The following PPL variants were observed in gnomAD, a reference collection of about 807,000 sequenced individuals.
PPL encodes 190 kDa paraneoplastic pemphigus antigen.
In PPL, 198 loss-of-function variants were observed where a neutral mutation model predicts 194.4. That is an observed-to-expected ratio of 1.02 (90% CI 0.91 to 1.15). The LOEUF is 1.15. Ranked by LOEUF, PPL falls within the 50% of genes most tolerant of loss-of-function variation. The pLI, the probability that PPL is intolerant of heterozygous loss-of-function variation, is 0.00. For missense variants in PPL, 2,885 were observed against 2,294.8 expected (o/e 1.26, Z -5.25); for synonymous variants, 1,220 against 972.4 (o/e 1.25, Z -4.74).
chr16:4,899,164 G>A (rs772356324), intron 7 of PPL, 44 bp from the exon 8 acceptor site: 98 of 1,613,432 alleles, frequency 6.1e-5, no homozygotes, highest in South Asian at 4.9e-4. Flanking sequence ...CCAGCCTGGC[G>A]GTCCCGTGCT....
chr16:4,928,615 C>G (rs146680114), intron 1 of PPL, among the ~76,000 whole-genome samples: 1 of 152,216 alleles, frequency 6.6e-6, no homozygotes, highest in Non-Finnish European at 1.5e-5. Flanking sequence ...TCTCTGCCTT[C>G]GCCATGGCGA....
In PPL at chr16:4,885,193, C is replaced by G; in HGVS notation, c.3462G>C (p.Leu1154=). ...CCTCCAAGGCCCATATCTTTCGGAG[C>G]AGCTCCGTCTTCTCCCTCTGGCTAG... is the stretch of plus-strand genomic sequence containing the variant. ...ARASQREKTE[L]LRKIWALEEE... Residue 1154 remains leucine (L), a synonymous_variant, in exon 22 of 22, where the codon CTG becomes CTC. Coordinates refer to ENST00000345988, the MANE Select transcript of PPL (RefSeq NM_002705.5). This position sits in a 1 kb window ranked among gnomAD's most constrained non-coding sequence, Gnocchi z 6.3. 1 of 1,614,150 alleles carries G rather than the reference C, an allele frequency of 6.2e-7. No homozygotes were observed. The highest frequency in any genetic ancestry group is 8.5e-7 in the Non-Finnish European group (1 of 1,180,036).
chr16:4,929,420 C>G (rs185328080), intron 1 of PPL, among the ~76,000 whole-genome samples: 2 of 152,046 alleles, frequency 1.3e-5, no homozygotes, highest in East Asian at 1.9e-4. Flanking sequence ...CTGTGCCCCC[C>G]GCCAGCTGTG....
intron 4 of PPL, among the ~76,000 whole-genome samples, chr16:4,901,941 AAAAT>A (rs61188714): frequency 0.026 from 2,110 of 81,874 alleles, 32 homozygotes; most frequent in African/African-American, 0.043. Flanking sequence ...CCTTGTCTCA[AAAAT>A]AAATAAATAA....
chr16:4,935,952 C>G (rs572117441), intron 1 of PPL, among the ~76,000 whole-genome samples: 3 of 152,180 alleles, frequency 2.0e-5, no homozygotes, highest in African/African-American at 7.2e-5. Context: ...GTCCGAGAAG[C>G]TGGCAAAATG....
At chr16:4,900,760 TG>T in intron 6 of PPL, 69 bp downstream of exon 6, 1 of 1,600,112 alleles carries the variant, frequency 6.2e-7, no homozygotes, top group African/African-American at 1.3e-5. Context: ...AATACATCCT[TG>T]TCCCCCCGAC....
intron 2 of PPL, among the ~76,000 whole-genome samples, chr16:4,909,565 T>G (rs2088778055): frequency 6.6e-6 from 1 of 151,978 alleles, no homozygotes. Context: ...TAGCTGGGAT[T>G]ATAGGTGTGC....
At chr16:4,890,110 C>T (rs1465187925) in intron 18 of PPL, 74 bp downstream of exon 18, 5 of 1,608,592 alleles carry the variant, frequency 3.1e-6, no homozygotes, top group Non-Finnish European at 4.2e-6. Context: ...GCTTGGCTCC[C>T]CAGAAAGGGG....
intron 1 of PPL, among the ~76,000 whole-genome samples, chr16:4,919,070 C>A (rs1188327903): frequency 2.6e-5 from 4 of 152,210 alleles, no homozygotes; most frequent in Non-Finnish European, 4.4e-5. Flanking sequence ...TCCCCCCTCC[C>A]CACACACACA....
intron 1 of PPL, among the ~76,000 whole-genome samples, chr16:4,915,432 G>A (rs2088899112): frequency 6.6e-6 from 1 of 152,242 alleles, no homozygotes; most frequent in Non-Finnish European, 1.5e-5. Context: ...ACTTGCTGTG[G>A]GCTTTGCCAG....
rs767313706 is a variant in PPL at position 4,893,315 on chromosome 16, G to C, written c.1548C>G (p.Ser516Arg). The change falls in exon 14 of 22, where the codon AGC becomes AGG. Residue 516 changes from serine (S) to arginine (R), a missense_variant. Coordinates refer to ENST00000345988, the MANE Select transcript of PPL (RefSeq NM_002705.5). ...TGGCCTTCTCCTGCCGGTCCAGGTC[G>C]CTGGCCACCTTGTCCAAGCCAGCCA... ...QLLAGLDKVA[S>R]DLDRQEKAIT... 1 of 1,607,806 alleles carries C rather than the reference G, an allele frequency of 6.2e-7. No individual in the cohort carries two copies. Among genetic ancestry groups the C allele is most frequent in the East Asian group, 2.2e-5 (1 of 44,862 alleles).
rs769772452 is a variant in PPL, at chr16:4,884,050, G to A, written c.4605C>T (p.Val1535=). 2.9e-5 allele frequency: 46 copies of A among 1,613,280 alleles called. No homozygotes were observed. The highest frequency in any genetic ancestry group is 1.2e-4 in the South Asian group (11 of 91,078). Residue 1535 remains valine (V), a synonymous_variant, in exon 22 of 22, where the codon GTC becomes GTT. Coordinates refer to ENST00000345988, the MANE Select transcript of PPL (RefSeq NM_002705.5). The surrounding 1 kb of genome is among the most constrained non-coding windows in gnomAD (Gnocchi z 5.7). ...GCCTGGCTTCCAGCCGGCTCACCTCGACGTCCAGCTCGCGCTTGCTGCGGC... is the reference window on the plus strand; with the variant it reads ...GCCTGGCTTCCAGCCGGCTCACCTCAACGTCCAGCTCGCGCTTGCTGCGGC... ...EESRSKRELD[V]EVSRLEARLS... is the part of the protein sequence containing the mutation.
Position 4,890,818 on chromosome 16 carries a change from T to G in PPL, c.2072A>C (p.Gln691Pro). Reference sequence around the variant, plus strand: ...GCGCTCCAGGTCCGGACAGTGCTCCTGGAAGCGGCTGGCCAGTGTGCTCGA... The same window carrying G: ...GCGCTCCAGGTCCGGACAGTGCTCCGGGAAGCGGCTGGCCAGTGTGCTCGA... ...QCSSTLASRF[Q>P]EHCPDLERQE... Residue 691 changes from glutamine (Q) to proline (P), a missense_variant, in exon 17 of 22, where the codon CAG (glutamine) becomes CCG (proline). Coordinates refer to ENST00000345988, the MANE Select transcript of PPL (RefSeq NM_002705.5). 1 of 1,589,218 alleles carries G rather than the reference T, an allele frequency of 6.3e-7. No homozygotes were observed. Among genetic ancestry groups the G allele is most frequent in the Non-Finnish European group, 8.6e-7 (1 of 1,168,118 alleles).
chr16:4,899,878 G>C (rs2088522705), intron 6 of PPL, among the ~76,000 whole-genome samples: 1 of 152,198 alleles, frequency 6.6e-6, no homozygotes, highest in Admixed American at 6.5e-5. Flanking sequence ...CTGTACGTCT[G>C]AGAAGCGGGT....
intron 1 of PPL, among the ~76,000 whole-genome samples, chr16:4,913,835 A>G (rs1229261474): frequency 6.6e-6 from 1 of 152,234 alleles, no homozygotes; most frequent in Admixed American, 6.5e-5. Flanking sequence ...CTAGGCACGC[A>G]GAAGTTGCCT....
intron 1 of PPL, among the ~76,000 whole-genome samples, chr16:4,925,025 G>C (rs2089130092): frequency 6.6e-6 from 1 of 152,216 alleles, no homozygotes; most frequent in South Asian, 2.1e-4. Flanking sequence ...CCTGGCCAGG[G>C]CCACTGGCCT....
chr16:4,904,243 A>G (rs2088637550), intron 2 of PPL, among the ~76,000 whole-genome samples: 1 of 152,218 alleles, frequency 6.6e-6, no homozygotes, highest in Admixed American at 6.5e-5. Context: ...CACTTTGCAA[A>G]GCAGGTATTT....
At position 4,883,974 on chromosome 16, in the gene PPL, G is replaced by A. The variant is rs372524698; in HGVS notation, c.4681C>T (p.Leu1561=). ...TGTAATTTGTGGTTCTCTTCCCTCAGAAAGTCTAGTTCCTTGGATGACTTG... is the reference window on the plus strand; with the variant it reads ...TGTAATTTGTGGTTCTCTTCCCTCAAAAAGTCTAGTTCCTTGGATGACTTG... ...NSKSSKELDF[L]REENHKLQLE... The change falls in exon 22 of 22, where the codon CTG becomes TTG. Residue 1561 remains leucine (L), a synonymous_variant. Coordinates refer to ENST00000345988, the MANE Select transcript of PPL (RefSeq NM_002705.5). The surrounding 1 kb of genome is among the most constrained non-coding windows in gnomAD (Gnocchi z 4.8). 1.7e-5 allele frequency: 28 copies of A among 1,613,992 alleles called. No individual in the cohort carries two copies. Among genetic ancestry groups the A allele is most frequent in the South Asian group, 4.4e-5 (4 of 91,088 alleles).
intron 12 of PPL, 160 bp from the exon 13 acceptor site, chr16:4,893,798 CT>C: frequency 3.3e-6 from 2 of 609,238 alleles, no homozygotes; most frequent in Non-Finnish European, 5.8e-6. Context: ...CCTTTCTGTG[CT>C]CCTGGGCTCA....
Sources: allele counts gnomAD v4.1 joint callset (sites outside exome capture counted in the v4.1 genomes callset), GRCh38; gene constraint gnomAD v4.1.1; non-coding constraint Gnocchi (gnomAD v3.1); transcripts MANE v1.5; gene names NCBI Gene and HGNC (gene_info 2026-07-23, HGNC 2026-07-21).